FIGN: variants seen among roughly 807,000 people sequenced by gnomAD.
FIGN encodes fidgetin.
FIGN carries 11 observed loss-of-function variants against 51.3 expected under a neutral mutation model. That is an observed-to-expected ratio of 0.21 (90% CI 0.13 to 0.35). The LOEUF (loss-of-function observed/expected upper bound fraction) is 0.35, where lower values mean the gene tolerates loss of function less well. FIGN is among the 10% of genes least tolerant of loss of function. FIGN has a pLI of 1.00. For missense variants in FIGN, 857 were observed against 943.6 expected, an observed-to-expected ratio of 0.91 and a Z score of 1.20; for synonymous variants, 407 against 363.2, an observed-to-expected ratio of 1.12 and a Z score of -1.37.
chr2:163,640,210 CAT>C (rs1242365818), intron 2 of FIGN, among the ~76,000 whole-genome samples: 1 of 152,050 alleles, frequency 6.6e-6, no homozygotes, highest in Non-Finnish European at 1.5e-5. Context: ...AAAAAATTAA[CAT>C]GTTTAATCAA....
At chr2:163,700,227 GA>G (rs1684387573) in intron 2 of FIGN, among the ~76,000 whole-genome samples, 1 of 152,036 alleles carries the variant, frequency 6.6e-6, no homozygotes, top group Non-Finnish European at 1.5e-5. Context: ...AGAATAAATT[GA>G]GAAAATAATT....
At chr2:163,636,215 G>T (rs888358568) in intron 2 of FIGN, among the ~76,000 whole-genome samples, 2 of 152,178 alleles carry the variant, frequency 1.3e-5, no homozygotes, top group African/African-American at 4.8e-5. Context: ...TGCTTAGTTA[G>T]ATTAAACTGT....
intron 2 of FIGN, among the ~76,000 whole-genome samples, chr2:163,729,646 C>A (rs764537435): frequency 1.7e-4 from 26 of 152,034 alleles, no homozygotes; most frequent in Non-Finnish European, 3.8e-4. Context: ...AAACGTTTAA[C>A]CTTGGGCCTT....
chr2:163,734,950 C>A lies in FIGN; in HGVS notation c.-23G>T. On this transcript the variant is annotated 5_prime_UTR_variant, in exon 2 of 3. Transcript: ENST00000333129. ...CATTTCTTGCTGGCAGCACAAAAAG[C>A]TGAATTGGATTTCTCACAAGCAGGA... 1.2e-6 allele frequency: 2 copies of A among 1,611,106 alleles called. No homozygotes were observed. The highest frequency in any genetic ancestry group is 1.7e-6 in the Non-Finnish European group (2 of 1,178,906).
intron 2 of FIGN, among the ~76,000 whole-genome samples, chr2:163,630,226 A>G (rs909295195): frequency 1.3e-4 from 19 of 151,936 alleles, no homozygotes; most frequent in East Asian, 3.9e-4. Context: ...TCAGCCTCCT[A>G]AAGTGCTAGG....
chr2:163,644,092 T>G (rs957429360), intron 2 of FIGN, among the ~76,000 whole-genome samples: 1 of 151,882 alleles, frequency 6.6e-6, no homozygotes, highest in Non-Finnish European at 1.5e-5. Context: ...GAAAAATAGA[T>G]AAATTAGACT....
intron 2 of FIGN, among the ~76,000 whole-genome samples, chr2:163,729,867 T>C (rs1022733097): frequency 3.9e-5 from 6 of 152,216 alleles, no homozygotes; most frequent in Non-Finnish European, 7.3e-5. Context: ...CAGCCCACCA[T>C]ATGCAATGTT....
At chr2:163,613,312 G>A (rs1682802534) in intron 2 of FIGN, among the ~76,000 whole-genome samples, 1 of 151,938 alleles carries the variant, frequency 6.6e-6, no homozygotes, top group South Asian at 2.1e-4. Context: ...AAACTGTCTT[G>A]TGCCCTCTGG....
At chr2:163,637,078 CA>C (rs1233289742) in intron 2 of FIGN, among the ~76,000 whole-genome samples, 1 of 151,172 alleles carries the variant, frequency 6.6e-6, no homozygotes, top group Non-Finnish European at 1.5e-5. Context: ...GACACCGTCT[CA>C]AACAAACAAA....
chr2:163,694,071 CG>C (rs1684278710), intron 2 of FIGN, among the ~76,000 whole-genome samples: 2 of 152,156 alleles, frequency 1.3e-5, no homozygotes, highest in Non-Finnish European at 2.9e-5. Flanking sequence ...CATGCCTAGA[CG>C]GGGCTGCATG....
At chr2:163,640,231 C>G (rs1683287206) in intron 2 of FIGN, among the ~76,000 whole-genome samples, 1 of 152,022 alleles carries the variant, frequency 6.6e-6, no homozygotes, top group African/African-American at 2.4e-5. Flanking sequence ...AAGTTAGATA[C>G]AGAAAATACT....
At chr2:163,688,315 C>T (rs1445781922) in intron 2 of FIGN, among the ~76,000 whole-genome samples, 2 of 152,138 alleles carry the variant, frequency 1.3e-5, no homozygotes, top group African/African-American at 4.8e-5. Flanking sequence ...CTGACAATCA[C>T]ATTATAAAAT....
intron 2 of FIGN, among the ~76,000 whole-genome samples, chr2:163,656,144 T>A (rs1487096797): frequency 6.6e-6 from 1 of 152,154 alleles, no homozygotes; most frequent in East Asian, 1.9e-4. Context: ...TAAATGAATC[T>A]TTAAGATCAT....
rs980949841 is a variant in FIGN, at chr2:163,633,037, C to T, written c.26-21231G>A. On this transcript the variant is annotated intron_variant, in intron 2 of 2. Transcript: ENST00000333129. ...TACCAAAAAAAAACCTTTTAAAATTCGCCAGGTGTGGTCGTGTGCACCTAT... is the reference window on the plus strand; with the variant it reads ...TACCAAAAAAAAACCTTTTAAAATTTGCCAGGTGTGGTCGTGTGCACCTAT... 5.9e-5 allele frequency among the ~76,000 whole-genome samples: 9 copies of T among 151,924 alleles called. No homozygotes were observed. The East Asian group carries it at 7.8e-4, about 13-fold the overall frequency.
At chr2:163,732,302 A>G (rs1046276991) in intron 2 of FIGN, among the ~76,000 whole-genome samples, 2 of 152,204 alleles carry the variant, frequency 1.3e-5, no homozygotes, top group African/African-American at 4.8e-5. Context: ...GTGTACAAGC[A>G]TGTTTTGGGA....
In FIGN at chr2:163,605,140, T is replaced by C. The variant is rs575565716; in HGVS notation, c.*4412A>G. The C allele has an allele frequency of 6.6e-6, 1 of 151,884 alleles. No individual in the cohort carries two copies. Among genetic ancestry groups the C allele is most frequent in the Non-Finnish European group, 1.5e-5 (1 of 67,954 alleles). 9.4% of individuals were successfully genotyped at this position (151,884 alleles called of 1,614,324 possible). ...GACAGGGAGGTGAAATTTTCCTGCT[T>C]CCAGTCTAATTGTCTTTGACAATTG... is the stretch of plus-strand genomic sequence containing the variant. On this transcript the variant is annotated 3_prime_UTR_variant, in exon 3 of 3. Coordinates refer to ENST00000333129, the MANE Select transcript of FIGN (RefSeq NM_018086.4).
In FIGN at chr2:163,610,406, T is replaced by A; in HGVS notation, c.1426A>T (p.Ile476Phe). 1 of 1,614,134 alleles carries A rather than the reference T, an allele frequency of 6.2e-7. No individual in the cohort carries two copies. The highest frequency in any genetic ancestry group is 8.5e-7 in the Non-Finnish European group (1 of 1,180,034). ...TCCACTGGAGGTCCTTGGGTGATAA[T>A]CTCATTGGTTACCAGGTCGATGAGG... is the stretch of plus-strand genomic sequence containing the variant. ...THLIDLVTNE[I>F]ITQGPPVDWN... The change falls in exon 3 of 3, where the codon ATT becomes TTT. Residue 476 changes from isoleucine (I) to phenylalanine (F), a missense_variant. Transcript: ENST00000333129.
intron 2 of FIGN, among the ~76,000 whole-genome samples, chr2:163,653,834 T>G (rs1454743559): frequency 6.6e-6 from 1 of 152,158 alleles, no homozygotes; most frequent in Admixed American, 6.5e-5. Flanking sequence ...AAAAAACTTT[T>G]AATTTTAGGT....
intron 2 of FIGN, among the ~76,000 whole-genome samples, chr2:163,731,673 G>A (rs1684931850): frequency 6.6e-6 from 1 of 150,794 alleles, no homozygotes; most frequent in Non-Finnish European, 1.5e-5. Flanking sequence ...GAATCTTACT[G>A]ATGAAATACA....
Sources: allele counts gnomAD v4.1 joint callset (sites outside exome capture counted in the v4.1 genomes callset), GRCh38; gene constraint gnomAD v4.1.1; transcripts MANE v1.5; gene names NCBI Gene and HGNC (gene_info 2026-07-23, HGNC 2026-07-21).